PDE5A: variants seen among roughly 807,000 people sequenced by gnomAD.
PDE5A encodes phosphodiesterase 5A.
PDE5A carries 67 observed loss-of-function variants against 110.2 expected under a neutral mutation model. That is an observed-to-expected ratio of 0.61 (90% CI 0.50 to 0.75). The LOEUF (loss-of-function observed/expected upper bound fraction) is 0.75, where lower values mean the gene tolerates loss of function less well. Ranked by LOEUF, PDE5A falls within the 30% of genes least tolerant of loss-of-function variation. The pLI is 0.00. For missense variants in PDE5A, 862 were observed against 1,045.1 expected, an observed-to-expected ratio of 0.82 and a Z score of 2.42; for synonymous variants, 328 against 351.2, an observed-to-expected ratio of 0.93 and a Z score of 0.74.
chr4:119,518,411 G>A (rs558006243), intron 14 of PDE5A, among the ~76,000 whole-genome samples: 39 of 152,218 alleles, frequency 2.6e-4, no homozygotes, highest in Non-Finnish European at 4.7e-4. Flanking sequence ...TTGTCCTAAC[G>A]GATAGTGTCT....
chr4:119,525,536 G>T lies in PDE5A; in HGVS notation c.1779+13C>A. 6.2e-7 allele frequency: 1 copy of T among 1,610,918 alleles called. No homozygotes were observed. Among genetic ancestry groups the T allele is most frequent in the Non-Finnish European group, 8.5e-7 (1 of 1,177,992 alleles). ...CACATAGACTTTTCCAAAGGATGTT[G>T]CTGCATTCCTACCTCATGTTTCATC... is the stretch of plus-strand genomic sequence containing the variant. On this transcript the variant is annotated intron_variant, in intron 12 of 20. Transcript: ENST00000354960. This position sits in a 1 kb window ranked among gnomAD's most constrained non-coding sequence, Gnocchi z 4.3.
intron 1 of PDE5A, among the ~76,000 whole-genome samples, chr4:119,616,875 A>G (rs1209380107): frequency 6.6e-6 from 1 of 152,206 alleles, no homozygotes; most frequent in Non-Finnish European, 1.5e-5. Context: ...TTCATTTTAC[A>G]CATACTATGT....
intron 20 of PDE5A, chr4:119,500,100 A>AATC (rs1278671384): frequency 2.0e-5 from 3 of 152,112 alleles, no homozygotes; most frequent in Non-Finnish European, 2.9e-5. Flanking sequence ...CTCTTAATCC[A>AATC]ATCAATAAGG....
intron 3 of PDE5A, among the ~76,000 whole-genome samples, chr4:119,588,157 T>G (rs986740601): frequency 6.7e-6 from 1 of 150,122 alleles, no homozygotes; most frequent in Non-Finnish European, 1.5e-5. Context: ...AAGAGCTACC[T>G]CTCCAATTTT....
In PDE5A at chr4:119,498,645, TCTC is replaced by T. The variant is rs761541983; in HGVS notation, c.2581_2583del (p.Glu861del). On this transcript the variant is annotated inframe_deletion, in exon 21 of 21. Coordinates refer to ENST00000354960, the MANE Select transcript of PDE5A (RefSeq NM_001083.4). ...CCGCTTTCCCCATTAATCAGCATCT[TCTC>T]CTGCTGTTCTGCAAGGGCCTGCCAT... 3.4e-4 allele frequency: 543 copies of T among 1,613,988 alleles called. 3 individuals are homozygous for T. Among genetic ancestry groups the T allele is most frequent in the Non-Finnish European group, 1.4e-4 (164 of 1,179,932 alleles).
intron 1 of PDE5A, among the ~76,000 whole-genome samples, chr4:119,615,107 A>G (rs1366474122): frequency 6.6e-6 from 1 of 152,158 alleles, no homozygotes; most frequent in East Asian, 1.9e-4. Context: ...TTCAGTGGTA[A>G]AAATGGGCTG....
rs3733522 is a variant in PDE5A at position 119,502,536 on chromosome 4, A to G, written c.2406+45T>C. On this transcript the variant is annotated intron_variant, in intron 19 of 20. Transcript: ENST00000354960. ...CATAAAAAGGAGTCTACAATTAAAAAAAAAACAATTTGAATAATTCCTACC... is the reference window on the plus strand; with the variant it reads ...CATAAAAAGGAGTCTACAATTAAAAGAAAAACAATTTGAATAATTCCTACC... 12,637 of 1,194,546 alleles carry G rather than the reference A, an allele frequency of 0.011. 549 individuals carry two copies. In the East Asian group the frequency reaches 0.14, roughly 13 times the overall value. The allele number at this position is 1,194,546 out of a possible 1,614,324, so 74.0% of individuals were successfully genotyped here.
chr4:119,587,365 G>A (rs1728799095), intron 3 of PDE5A, among the ~76,000 whole-genome samples: 1 of 145,580 alleles, frequency 6.9e-6, no homozygotes, highest in Non-Finnish European at 1.5e-5. Context: ...ACCACACCCG[G>A]CTAATTTTTT....
chr4:119,612,808 C>T (rs924434447), intron 1 of PDE5A, among the ~76,000 whole-genome samples: 6 of 152,184 alleles, frequency 3.9e-5, no homozygotes, highest in African/African-American at 1.4e-4. Context: ...TATAAATTAT[C>T]CAGTCTAAGC....
intron 14 of PDE5A, among the ~76,000 whole-genome samples, chr4:119,517,991 C>T (rs574594252): frequency 1.7e-3 from 252 of 152,198 alleles, no homozygotes; most frequent in African/African-American, 5.4e-3. Flanking sequence ...TGAGATTTTT[C>T]AAGAGGAAAC....
chr4:119,622,006 T>TA (rs1352171802), intron 1 of PDE5A, among the ~76,000 whole-genome samples: 5 of 149,886 alleles, frequency 3.3e-5, no homozygotes, highest in Non-Finnish European at 5.9e-5. Flanking sequence ...CCATCTCCAA[T>TA]AAAAAAAAAT....
intron 3 of PDE5A, among the ~76,000 whole-genome samples, chr4:119,571,278 C>T (rs906582539): frequency 4.6e-5 from 7 of 152,068 alleles, no homozygotes; most frequent in African/African-American, 1.7e-4. Flanking sequence ...CTGGAACCTA[C>T]GAATATGTGA....
At chr4:119,588,730 C>T (rs1015892202) in intron 3 of PDE5A, among the ~76,000 whole-genome samples, 4 of 152,080 alleles carry the variant, frequency 2.6e-5, no homozygotes, top group African/African-American at 4.8e-5. Context: ...TTATGAGTTT[C>T]GGTAGGTGTT....
chr4:119,545,882 T>C (rs953488214), intron 9 of PDE5A, among the ~76,000 whole-genome samples: 3 of 152,166 alleles, frequency 2.0e-5, no homozygotes, highest in African/African-American at 7.2e-5. Context: ...TTATCACCTA[T>C]CTTGCAAATA....
rs1725116338 is a variant in PDE5A, at chr4:119,497,460, C to T, written c.*1141G>A. On this transcript the variant is annotated 3_prime_UTR_variant, in exon 21 of 21. Transcript: ENST00000354960. ...GAGTTAAGGGCCAGTGTTTAGCATT[C>T]ACATCCAGGATTCTCTGGATCTCAG... The T allele has an allele frequency of 6.6e-6, 1 of 152,106 alleles. No individual in the cohort carries two copies. The highest frequency in any genetic ancestry group is 2.4e-5 in the African/African-American group (1 of 41,448). The allele number at this position is 152,106 out of a possible 1,614,324, so 9.4% of individuals were successfully genotyped here. A position where few individuals can be genotyped will look rare whatever the true frequency, so the allele number is the denominator to read the frequency against.
intron 3 of PDE5A, among the ~76,000 whole-genome samples, chr4:119,579,922 G>A (rs927895855): frequency 6.6e-6 from 1 of 152,152 alleles, no homozygotes; most frequent in Non-Finnish European, 1.5e-5. Flanking sequence ...ATTGCTGAAG[G>A]TATGTGAAAG....
chr4:119,503,268 A>C (rs1407895221), intron 18 of PDE5A, among the ~76,000 whole-genome samples: 1 of 152,164 alleles, frequency 6.6e-6, no homozygotes, highest in Non-Finnish European at 1.5e-5. Flanking sequence ...TTACGGACTC[A>C]AAATGAAATC....
At chr4:119,618,630 T>G (rs530935925) in intron 1 of PDE5A, among the ~76,000 whole-genome samples, 1 of 152,240 alleles carries the variant, frequency 6.6e-6, no homozygotes, top group East Asian at 1.9e-4. Context: ...ACTTTTTTTT[T>G]GTCAAAAATA....
intron 20 of PDE5A, chr4:119,499,790 C>T (rs939510125): frequency 6.6e-6 from 1 of 152,154 alleles, no homozygotes; most frequent in African/African-American, 2.4e-5. Context: ...CTCCTGAGCT[C>T]AAGTGATCAA....
Sources: allele counts gnomAD v4.1 joint callset (sites outside exome capture counted in the v4.1 genomes callset), GRCh38; gene constraint gnomAD v4.1.1; non-coding constraint Gnocchi (gnomAD v3.1); transcripts MANE v1.5; gene names NCBI Gene and HGNC (gene_info 2026-07-23, HGNC 2026-07-21).